Variants in FMN1 observed in about 807,000 individuals in gnomAD.
FMN1 encodes the protein formin 1.
Under a neutral mutation model 132.4 loss-of-function variants are expected in FMN1, and 110 were observed. That is an observed-to-expected ratio of 0.83 (90% CI 0.71 to 0.97). The LOEUF is 0.97. Ranked by LOEUF, FMN1 falls within the 50% of genes least tolerant of loss-of-function variation. The probability of loss-of-function intolerance (pLI) is 0.00; values close to 1 mark genes in which losing one functional copy is unlikely to be tolerated. For missense variants in FMN1, 1,792 were observed against 1,705.3 expected (o/e 1.05, Z -0.90); for synonymous variants, 722 against 651.7 (o/e 1.11, Z -1.64).
At chr15:32,991,967 T>C (rs888876954) in intron 7 of FMN1, among the ~76,000 whole-genome samples, 5 of 152,212 alleles carry the variant, frequency 3.3e-5, no homozygotes, top group Admixed American at 6.5e-5. Context: ...AAAATGTTCT[T>C]TTTGATGAGT....
intron 17 of FMN1, among the ~76,000 whole-genome samples, chr15:32,813,581 T>C (rs2057959341): frequency 6.6e-6 from 1 of 152,242 alleles, no homozygotes; most frequent in South Asian, 2.1e-4. Flanking sequence ...GCTGATATTC[T>C]ACTACTTTTG....
chr15:32,958,582 A>G (rs79414673), intron 9 of FMN1, among the ~76,000 whole-genome samples: 32 of 152,140 alleles, frequency 2.1e-4, no homozygotes, highest in African/African-American at 7.5e-4. Context: ...ACATACATAC[A>G]TACATACATG....
At chr15:32,809,053 G>C (rs1360173558) in intron 17 of FMN1, among the ~76,000 whole-genome samples, 1 of 118,660 alleles carries the variant, frequency 8.4e-6, no homozygotes, top group Non-Finnish European at 1.9e-5. Context: ...TCAGGAGAAA[G>C]AGAAAAACTT....
intron 16 of FMN1, among the ~76,000 whole-genome samples, chr15:32,865,311 T>G (rs577352159): frequency 6.6e-6 from 1 of 152,246 alleles, no homozygotes; most frequent in Non-Finnish European, 1.5e-5. Flanking sequence ...AATTAGAAAG[T>G]CAGCCTTAAA....
At chr15:32,912,856 T>C (rs1241935143) in intron 10 of FMN1, among the ~76,000 whole-genome samples, 1 of 152,148 alleles carries the variant, frequency 6.6e-6, no homozygotes, top group East Asian at 1.9e-4. Flanking sequence ...TAATACCACT[T>C]AGTGAAAATA....
At chr15:33,083,216 G>C (rs1371845985) in intron 5 of FMN1, among the ~76,000 whole-genome samples, 1 of 152,186 alleles carries the variant, frequency 6.6e-6, no homozygotes, top group African/African-American at 2.4e-5. Flanking sequence ...CATAGAAGTA[G>C]TAATAATATT....
At chr15:33,081,133 G>A (rs965807823) in intron 5 of FMN1, among the ~76,000 whole-genome samples, 3 of 152,066 alleles carry the variant, frequency 2.0e-5, no homozygotes, top group East Asian at 1.9e-4. Flanking sequence ...CTTGCATTTC[G>A]CTTGGAAACT....
chr15:32,884,193 T>G (rs2141460067), intron 16 of FMN1, among the ~76,000 whole-genome samples: 1 of 152,292 alleles, frequency 6.6e-6, no homozygotes, highest in South Asian at 2.1e-4. Flanking sequence ...ATATCACCTT[T>G]TAGTTCTATA....
intron 16 of FMN1, among the ~76,000 whole-genome samples, chr15:32,867,248 G>C (rs1028053595): frequency 6.6e-6 from 1 of 152,134 alleles, no homozygotes; most frequent in African/African-American, 2.4e-5. Flanking sequence ...GCTTAAACCT[G>C]CAGGCACCTC....
At chr15:33,025,987 AAAG>A (rs554887706) in intron 6 of FMN1, among the ~76,000 whole-genome samples, 221 of 152,274 alleles carry the variant, frequency 1.5e-3, no homozygotes, top group African/African-American at 4.9e-3. Flanking sequence ...AAGAATTGGA[AAAG>A]AAGAGATAAA....
At chr15:32,938,101 T>C (rs1169992010) in intron 9 of FMN1, among the ~76,000 whole-genome samples, 1 of 152,152 alleles carries the variant, frequency 6.6e-6, no homozygotes, top group Non-Finnish European at 1.5e-5. Flanking sequence ...TTGCACTTTT[T>C]TTTTTCACTG....
chr15:32,893,804 C>T (rs1370201927), intron 15 of FMN1, among the ~76,000 whole-genome samples: 2 of 152,200 alleles, frequency 1.3e-5, no homozygotes, highest in Non-Finnish European at 2.9e-5. Context: ...AAGTTGATTC[C>T]ACTGGGTTCA....
At chr15:32,903,396 G>T (rs2060343496) in intron 12 of FMN1, among the ~76,000 whole-genome samples, 1 of 152,086 alleles carries the variant, frequency 6.6e-6, no homozygotes, top group African/African-American at 2.4e-5. Context: ...TGAAATCAGG[G>T]GTATCATCAG....
chr15:32,776,955 G>A (rs933366992), intron 19 of FMN1, 36 bp from the exon 20 acceptor site: 4 of 1,222,030 alleles, frequency 3.3e-6, no homozygotes, highest in African/African-American at 1.5e-5. Context: ...GGGGAGAGAG[G>A]GAAAAGAAAG....
intron 3 of FMN1, among the ~76,000 whole-genome samples, chr15:33,162,806 T>C (rs1964947175): frequency 1.3e-5 from 2 of 151,670 alleles, no homozygotes; most frequent in African/African-American, 4.8e-5. Flanking sequence ...TGCAAAGAGG[T>C]CAAGAAAGAA....
chr15:33,080,483 T>G (rs975056649), intron 5 of FMN1, among the ~76,000 whole-genome samples: 1 of 152,242 alleles, frequency 6.6e-6, no homozygotes, highest in Non-Finnish European at 1.5e-5. Context: ...CCAGGTGCAG[T>G]GGCTAATGCC....
intron 8 of FMN1, among the ~76,000 whole-genome samples, chr15:32,968,360 G>C (rs2031442212): frequency 6.6e-6 from 1 of 152,296 alleles, no homozygotes; most frequent in South Asian, 2.1e-4. Context: ...TGAACCTACA[G>C]TATGGAAATC....
intron 10 of FMN1, among the ~76,000 whole-genome samples, chr15:32,915,279 A>G (rs1000061449): frequency 2.6e-5 from 4 of 152,232 alleles, no homozygotes; most frequent in African/African-American, 9.6e-5. Context: ...TCCACACCTG[A>G]TAATTCTATT....
intron 16 of FMN1, among the ~76,000 whole-genome samples, chr15:32,863,763 C>T (rs887874420): frequency 3.3e-5 from 5 of 152,098 alleles, no homozygotes; most frequent in African/African-American, 7.2e-5. Flanking sequence ...GGTGGGAGGA[C>T]GTGGTTAGAA....
Sources: allele counts gnomAD v4.1 joint callset (sites outside exome capture counted in the v4.1 genomes callset), GRCh38; gene constraint gnomAD v4.1.1; transcripts MANE v1.5; gene names NCBI Gene and HGNC (gene_info 2026-07-23, HGNC 2026-07-21).